The following MYLK2 variants were observed in gnomAD, a reference collection of about 807,000 sequenced individuals.
MYLK2 encodes myosin light chain kinase 2, skeletal/cardiac muscle.
MYLK2 carries 27 observed loss-of-function variants against 58.2 expected under a neutral mutation model. The observed-to-expected ratio is 0.46, with a 90% CI of 0.34 to 0.64. The LOEUF (loss-of-function observed/expected upper bound fraction) is 0.64. Among genes scored for constraint, MYLK2 ranks in the 30% least tolerant of loss-of-function variants. MYLK2 has a pLI of 0.01. For missense variants in MYLK2, 676 were observed against 764.3 expected (o/e 0.88, Z 1.36); for synonymous variants, 310 against 296.7 (o/e 1.04, Z -0.46).
intron 6 of MYLK2, among the ~76,000 whole-genome samples, chr20:31,826,138 G>T (rs1206117056): frequency 6.6e-6 from 1 of 152,138 alleles, no homozygotes; most frequent in Non-Finnish European, 1.5e-5. Context: ...TGTGGGGAAG[G>T]GACGATGTCT....
rs577694606 is a variant in MYLK2 at position 31,827,030 on chromosome 20, C to T, written c.1224+92C>T. 9 of 1,580,792 alleles carry T rather than the reference C, an allele frequency of 5.7e-6. No individual in the cohort carries two copies. The East Asian group carries it at 2.1e-4, about 36-fold the overall frequency. ...ACCAGCCATCCCTCTGCCCTCCCAT[C>T]CCTCCATCTCTTCCTTCATCCATCC... On this transcript the variant is annotated intron_variant, in intron 8 of 12. Coordinates refer to ENST00000375985, the MANE Select transcript of MYLK2 (RefSeq NM_033118.4).
At chr20:31,825,365 C>G (rs1256827312) in intron 6 of MYLK2, among the ~76,000 whole-genome samples, 1 of 152,196 alleles carries the variant, frequency 6.6e-6, no homozygotes. Flanking sequence ...ACCTGCGGCT[C>G]AATTAACTGG....
chr20:31,822,708 C>T (rs1178626368), intron 4 of MYLK2, among the ~76,000 whole-genome samples: 1 of 152,052 alleles, frequency 6.6e-6, no homozygotes, highest in African/African-American at 2.4e-5. Context: ...GCCTGGTGAG[C>T]GGCACCGTGC....
intron 8 of MYLK2, among the ~76,000 whole-genome samples, chr20:31,829,156 G>A (rs2062293429): frequency 6.6e-6 from 1 of 152,116 alleles, no homozygotes; most frequent in Non-Finnish European, 1.5e-5. Flanking sequence ...TTTCTTTGGG[G>A]CAGAATAGGG....
At chr20:31,827,882 C>CTTTTTTT (rs10646259) in intron 8 of MYLK2, among the ~76,000 whole-genome samples, 4 of 94,838 alleles carry the variant, frequency 4.2e-5, no homozygotes, top group African/African-American at 9.5e-5. Flanking sequence ...AGCAGATCTG[C>CTTTTTTT]TTTTTTTTTT....
chr20:31,826,050 C>T (rs771328707), intron 6 of MYLK2, among the ~76,000 whole-genome samples: 13 of 152,216 alleles, frequency 8.5e-5, no homozygotes, highest in Non-Finnish European at 1.6e-4. Context: ...CTTAGGATGG[C>T]TCGTAACTTT....
At chr20:31,824,446 T>TG (rs1264051660) in intron 6 of MYLK2, 94 bp downstream of exon 6, 150 of 1,547,968 alleles carry the variant, frequency 9.7e-5, no homozygotes, top group Non-Finnish European at 1.3e-4. Context: ...CTGCTGAACC[T>TG]GGGGCCTGGT....
chr20:31,832,917 TCA>T (rs2062313922), intron 12 of MYLK2, among the ~76,000 whole-genome samples: 1 of 152,172 alleles, frequency 6.6e-6, no homozygotes, highest in Non-Finnish European at 1.5e-5. Flanking sequence ...AGACAGGGTC[TCA>T]CTCTGCCTCC....
chr20:31,830,953 G>A (rs1289467365), intron 9 of MYLK2, 60 bp from the exon 10 acceptor site: 2 of 1,613,120 alleles, frequency 1.2e-6, no homozygotes, highest in Non-Finnish European at 1.7e-6. Flanking sequence ...CAGGGGTGGG[G>A]TGGAGGGGGC....
chr20:31,823,515 A>G lies in MYLK2; in HGVS notation c.811A>G (p.Met271Val). The change falls in exon 5 of 13, where the codon ATG becomes GTG. Residue 271 changes from methionine to valine, a missense_variant. Physicochemically the swap from Met to Val is conservative, Grantham distance 21. This residue lies in a region of MYLK2 where 370 missense variants were observed against 467.8 expected (regional missense o/e 0.79). Coordinates refer to ENST00000375985, the MANE Select transcript of MYLK2 (RefSeq NM_033118.4). ...ACCTCCGGCCCCCTTCCCTCACCGC[A>G]TGGTGGAGCTGAGGACCGGGAATGT... ...PPPPAPFPHR[M>V]VELRTGNVSS... The G allele has an allele frequency of 6.2e-7, 1 of 1,613,740 alleles. No individual in the cohort carries two copies. The highest frequency in any genetic ancestry group is 1.3e-5 in the African/African-American group (1 of 75,048).
intron 8 of MYLK2, chr20:31,827,693 A>T (rs1444573006): frequency 6.6e-6 from 2 of 305,054 alleles, no homozygotes; most frequent in Non-Finnish European, 9.6e-6. Context: ...TAATTTTTGC[A>T]GTTTTAGTAG....
intron 4 of MYLK2, 48 bp downstream of exon 4, chr20:31,821,785 A>C: frequency 1.3e-6 from 2 of 1,503,796 alleles, no homozygotes; most frequent in Non-Finnish European, 1.8e-6. Context: ...GGCCAGGGGG[A>C]GGGAAGGGGG....
At position 31,832,080 on chromosome 20, in the gene MYLK2, C is replaced by G. The variant is rs1262954625; in HGVS notation, c.1654C>G (p.Arg552Gly). 5.0e-6 allele frequency: 8 copies of G among 1,608,608 alleles called. No homozygotes were observed. In the East Asian group the frequency reaches 1.8e-4, roughly 36 times the overall value. The change falls in exon 12 of 13, where the codon CGA becomes GGA. Residue 552 changes from arginine (R) to glycine (G), a missense_variant. Around this residue, in one of 2 missense-constraint regions of MYLK2, gnomAD observed 370 missense variants for 467.8 expected, o/e 0.79. Coordinates refer to ENST00000375985, the MANE Select transcript of MYLK2 (RefSeq NM_033118.4). ...GGCGGAGAAAGCCAAACGCTGTAAC[C>G]GACGCCTTAAGTCCCAGATCTTGCT... is the stretch of plus-strand genomic sequence containing the variant. ...NLAEKAKRCN[R>G]RLKSQILLKK...
chr20:31,833,942 C>T lies in MYLK2; in HGVS notation c.*145C>T. The T allele has an allele frequency of 1.4e-5, 10 of 720,334 alleles. No homozygotes were observed. In the South Asian group the frequency reaches 1.7e-4, roughly 12 times the overall value. The allele number at this position is 720,334 out of a possible 1,614,324, so 44.6% of individuals were successfully genotyped here. On this transcript the variant is annotated 3_prime_UTR_variant, in exon 13 of 13. Coordinates refer to ENST00000375985, the MANE Select transcript of MYLK2 (RefSeq NM_033118.4). ...TGCCAGGCTGGGAGGCTCGGGGCTC[C>T]CCACGCCCCCATGCAGTGACCGCTT...
intron 3 of MYLK2, 32 bp from the exon 4 acceptor site, chr20:31,821,407 G>A (rs769237182): frequency 1.9e-6 from 3 of 1,611,750 alleles, no homozygotes; most frequent in East Asian, 2.2e-5. Flanking sequence ...TGTGGCCGCT[G>A]AGGGCTTCAC....
chr20:31,820,231 A>G lies in MYLK2; in HGVS notation c.158A>G (p.Asp53Gly). 1 of 1,614,044 alleles carries G rather than the reference A, an allele frequency of 6.2e-7. No homozygotes were observed. Among genetic ancestry groups the G allele is most frequent in the East Asian group, 2.2e-5 (1 of 44,876 alleles). The change falls in exon 3 of 13, where the codon GAT becomes GGT. Residue 53 changes from aspartate (D) to glycine (G), a missense_variant. This residue lies in a region of MYLK2 where 306 missense variants were observed against 296.5 expected (regional missense o/e 1.03). Coordinates refer to ENST00000375985, the MANE Select transcript of MYLK2 (RefSeq NM_033118.4). ...KAPDPPTLKK[D>G]AKAPASEKGD... The stretch of plus-strand genomic sequence containing the variant: ...CCGGATCCACCCACCCTGAAGAAAG[A>G]TGCCAAAGCCCCTGCCTCAGAGAAA...
At position 31,821,741 on chromosome 20, in the gene MYLK2, G is replaced by A; in HGVS notation, c.772+4G>A. 1 of 1,590,344 alleles carries A rather than the reference G, an allele frequency of 6.3e-7. No homozygotes were observed. The highest frequency in any genetic ancestry group is 2.2e-5 in the East Asian group (1 of 44,596). ...GAGGACTGCTTCCAGATTTTGGGTA[G>A]GCCAGGGGCAGGTGGGGGCTGGGGC... On this transcript the variant is annotated splice_donor_region_variant and intron_variant, in intron 4 of 12. Coordinates refer to ENST00000375985, the MANE Select transcript of MYLK2 (RefSeq NM_033118.4).
intron 6 of MYLK2, among the ~76,000 whole-genome samples, chr20:31,825,560 G>A (rs534331493): frequency 1.2e-4 from 18 of 152,308 alleles, no homozygotes; most frequent in African/African-American, 3.9e-4. Context: ...AAGAAGGCCT[G>A]GCATCAGGTA....
At chr20:31,829,705 G>A (rs910640387) in intron 8 of MYLK2, among the ~76,000 whole-genome samples, 4 of 152,232 alleles carry the variant, frequency 2.6e-5, no homozygotes, top group African/African-American at 7.2e-5. Flanking sequence ...ATGTGGCCAG[G>A]GCTTCCGGTG....
Sources: allele counts gnomAD v4.1 joint callset (sites outside exome capture counted in the v4.1 genomes callset), GRCh38; gene constraint gnomAD v4.1.1; regional missense constraint gnomAD v4.1.1; transcripts MANE v1.5; gene names NCBI Gene and HGNC (gene_info 2026-07-23, HGNC 2026-07-21).